Variants in TMPRSS9 observed in about 807,000 individuals in gnomAD.
The protein encoded by TMPRSS9 is transmembrane serine protease 9.
In TMPRSS9, 113 loss-of-function variants were observed where a neutral mutation model predicts 111.4. The ratio of observed to expected loss-of-function variants is 1.01; its 90% CI spans 0.87 to 1.19. TMPRSS9 has a LOEUF of 1.19. TMPRSS9 is among the 50% of genes most tolerant of loss of function. TMPRSS9 has a pLI of 0.00. For synonymous variants in TMPRSS9, 805 were observed against 659.1 expected (o/e 1.22, Z -3.39); for missense variants, 1,803 against 1,513.1 (o/e 1.19, Z -3.18).
chr19:2,425,505 C>A lies in TMPRSS9; in HGVS notation c.3120+12C>A. 6.4e-7 allele frequency: 1 copy of A among 1,561,410 alleles called. No individual in the cohort carries two copies. Among genetic ancestry groups the A allele is most frequent in the African/African-American group, 1.4e-5 (1 of 73,684 alleles). On this transcript the variant is annotated intron_variant, in intron 17 of 17. Transcript: ENST00000648592. ...TGGACAGCTGCTCGGTGAGCCCCGC[C>A]CCGGCCCAGGGGACCAGGTCCCGCC...
chr19:2,362,486 T>C (rs1037667577), intron 1 of TMPRSS9, among the ~76,000 whole-genome samples: 2 of 152,068 alleles, frequency 1.3e-5, no homozygotes, highest in Non-Finnish European at 2.9e-5. Flanking sequence ...TGCAGCTGTG[T>C]GGTTATAGTG....
intron 1 of TMPRSS9, among the ~76,000 whole-genome samples, chr19:2,382,653 A>T (rs955437844): frequency 4.1e-5 from 6 of 146,244 alleles, no homozygotes; most frequent in African/African-American, 1.3e-4. Flanking sequence ...ACACATGCAC[A>T]CATACACACA....
In TMPRSS9 at chr19:2,373,418, T is replaced by G. The variant is rs576041614; in HGVS notation, c.-26+13058T>G. Among the ~76,000 whole-genome samples, 33 of 151,298 alleles carry G rather than the reference T, an allele frequency of 2.2e-4. No individual in the cohort carries two copies. In the South Asian group the frequency reaches 6.9e-3, roughly 32 times the overall value. ...TAATTTTTTGTATTTTTAGTAGAGA[T>G]AGGGTTTTGTGATGTTGGCCAGGCT... is the stretch of plus-strand genomic sequence containing the variant. On this transcript the variant is annotated intron_variant, in intron 1 of 17. Coordinates refer to the TMPRSS9 transcript ENST00000649857.
exon 18 of TMPRSS9, chr19:2,426,209 G>C: frequency 7.6e-7 from 1 of 1,317,316 alleles, no homozygotes; most frequent in Non-Finnish European, 1.0e-6. Flanking sequence ...TGGGTCATGG[G>C]GATGCATTTT....
chr19:2,421,826 CA>C, intron 13 of TMPRSS9, 27 bp from the exon 15 acceptor site: 1 of 1,560,754 alleles, frequency 6.4e-7, no homozygotes, highest in Admixed American at 1.9e-5. Context: ...CCTGGAGGAC[CA>C]ACCAGTGCTC....
chr19:2,416,601 C>T, exon 12 of TMPRSS9: 1 of 1,612,446 alleles, frequency 6.2e-7, no homozygotes, highest in Non-Finnish European at 8.5e-7. Flanking sequence ...TGGGCGGGAG[C>T]CCGGTGAAGA....
rs544802748 is a variant in TMPRSS9, at chr19:2,395,062, C to T, written c.143-1477C>T. On this transcript the variant is annotated intron_variant, in intron 1 of 17. Transcript: ENST00000648592. ...TTGGCAGGCTGAGGCGGGCAGATCACCTGAGGTCAGGAGTTCCCGACCAGC... is the reference window on the plus strand; with the variant it reads ...TTGGCAGGCTGAGGCGGGCAGATCATCTGAGGTCAGGAGTTCCCGACCAGC... Among the ~76,000 whole-genome samples, 6 of 152,152 alleles carry T rather than the reference C, an allele frequency of 3.9e-5. No individual in the cohort carries two copies. In the East Asian group the frequency reaches 9.7e-4, roughly 25 times the overall value.
At chr19:2,389,686 G>A, upstream of TMPRSS9, 1 of 1,439,310 alleles carries the variant, frequency 6.9e-7, no homozygotes. Flanking sequence ...GGGTATAGTT[G>A]CAACCCTTGC....
chr19:2,402,993 A>G, intron 5 of TMPRSS9, 89 bp from the exon 7 acceptor site: 4 of 896,354 alleles, frequency 4.5e-6, no homozygotes, highest in South Asian at 4.3e-5. Flanking sequence ...ACATTTCCGT[A>G]CCCTGGTGGT....
intron 1 of TMPRSS9, among the ~76,000 whole-genome samples, chr19:2,368,789 T>TC (rs1970267083): frequency 8.7e-6 from 1 of 114,904 alleles, no homozygotes; most frequent in Non-Finnish European, 1.7e-5. Context: ...TTTTTTTTTT[T>TC]TTTTTTTTTT....
intron 1 of TMPRSS9, among the ~76,000 whole-genome samples, chr19:2,367,458 A>C (rs1970256394): frequency 6.6e-6 from 1 of 151,836 alleles, no homozygotes; most frequent in Non-Finnish European, 1.5e-5. Flanking sequence ...GCAGTGGTGG[A>C]AACTTGGCTC....
chr19:2,366,172 C>A (rs980866449), intron 1 of TMPRSS9, among the ~76,000 whole-genome samples: 3 of 151,776 alleles, frequency 2.0e-5, no homozygotes, highest in Admixed American at 2.0e-4. Flanking sequence ...AGAGTGAGAC[C>A]CTGTCTCTAC....
intron 1 of TMPRSS9, among the ~76,000 whole-genome samples, chr19:2,370,552 C>A (rs1291652089): frequency 6.6e-6 from 1 of 152,028 alleles, no homozygotes; most frequent in Non-Finnish European, 1.5e-5. Context: ...CTGGTCTCAA[C>A]CCCTGGCCTC....
intron 1 of TMPRSS9, among the ~76,000 whole-genome samples, chr19:2,384,230 G>T (rs1241013297): frequency 6.6e-6 from 1 of 152,190 alleles, no homozygotes; most frequent in Non-Finnish European, 1.5e-5. Context: ...AGCATCCCAG[G>T]GGAGCTGAGG....
chr19:2,415,869 G>A, intron 11 of TMPRSS9, 28 bp downstream of exon 12: 1 of 1,545,860 alleles, frequency 6.5e-7, no homozygotes, highest in Non-Finnish European at 8.8e-7. Flanking sequence ...CAGGAAGGCT[G>A]CCCGGCTTCC....
At chr19:2,366,765 G>A (rs986617433) in intron 1 of TMPRSS9, among the ~76,000 whole-genome samples, 1 of 148,556 alleles carries the variant, frequency 6.7e-6, no homozygotes, top group African/African-American at 2.5e-5. Flanking sequence ...GCGGAGGCAG[G>A]AGAATGGCGT....
chr19:2,419,157 C>A, intron 13 of TMPRSS9, among the ~76,000 whole-genome samples: 1 of 129,416 alleles, frequency 7.7e-6, no homozygotes, highest in Non-Finnish European at 1.6e-5. Flanking sequence ...CCCTTCCCTC[C>A]CTACCTTTCC....
At chr19:2,377,178 C>T (rs372434195) in intron 1 of TMPRSS9, among the ~76,000 whole-genome samples, 5 of 150,870 alleles carry the variant, frequency 3.3e-5, no homozygotes, top group East Asian at 4.0e-4. Context: ...TAATGGCCAC[C>T]GGCTGTGACG....
chr19:2,394,737 C>G (rs540024122), intron 1 of TMPRSS9, among the ~76,000 whole-genome samples: 26 of 152,080 alleles, frequency 1.7e-4, no homozygotes, highest in Non-Finnish European at 2.6e-4. Context: ...CCAGCTTTCA[C>G]GGTTTACGCG....
Sources: gnomAD v4.1 joint callset for allele counts (sites outside exome capture counted in the v4.1 genomes callset) on GRCh38, gnomAD v4.1.1 for gene constraint, MANE v1.5 for transcripts, NCBI Gene and HGNC (gene_info 2026-07-23, HGNC 2026-07-21) for gene names.